Variants in C12orf56 observed in about 807,000 individuals in gnomAD.
C12orf56 encodes chromosome 12 open reading frame 56.
A neutral mutation model predicts 69.9 loss-of-function variants in C12orf56; 71 were observed. That is an observed-to-expected ratio of 1.02 (90% CI 0.84 to 1.24). C12orf56 has a LOEUF of 1.24. Among genes scored for constraint, C12orf56 ranks in the 50% most tolerant of loss-of-function variants. The pLI, the probability that C12orf56 is intolerant of heterozygous loss-of-function variation, is 0.00. For missense variants in C12orf56, 732 were observed against 738.5 expected, an observed-to-expected ratio of 0.99 and a Z score of 0.10; for synonymous variants, 276 against 274.1, an observed-to-expected ratio of 1.01 and a Z score of -0.07.
intron 2 of C12orf56, among the ~76,000 whole-genome samples, chr12:64,344,063 G>T: frequency 6.6e-6 from 1 of 152,282 alleles, no homozygotes; most frequent in Non-Finnish European, 1.5e-5. Context: ...GAGGACCACA[G>T]TGATGTCTTG....
intron 6 of C12orf56, among the ~76,000 whole-genome samples, chr12:64,286,301 A>C (rs1269425351): frequency 5.9e-5 from 9 of 152,204 alleles, no homozygotes; most frequent in Admixed American, 5.9e-4. Flanking sequence ...GATGCCAGTT[A>C]GGCCTGGCTT....
chr12:64,308,933 A>AAG (rs2038560790), intron 5 of C12orf56, among the ~76,000 whole-genome samples: 1 of 43,292 alleles, frequency 2.3e-5, no homozygotes, highest in East Asian at 7.1e-4. Context: ...AGAAAGAAAG[A>AAG]AAGAAAGAAG....
At chr12:64,390,278 C>A in intron 1 of C12orf56, 36 bp downstream of exon 1, 3 of 1,563,482 alleles carry the variant, frequency 1.9e-6, no homozygotes, top group Admixed American at 1.8e-5. Flanking sequence ...GTTCTCACTG[C>A]GCTCCCGAGC....
chr12:64,267,991 C>G (rs76583853), intron 12 of C12orf56, among the ~76,000 whole-genome samples: 3 of 152,118 alleles, frequency 2.0e-5, no homozygotes, highest in Non-Finnish European at 4.4e-5. Flanking sequence ...GGTTGAGCAT[C>G]CCTAATATGA....
At chr12:64,387,344 GT>G (rs1026349269) in intron 1 of C12orf56, among the ~76,000 whole-genome samples, 38 of 152,254 alleles carry the variant, frequency 2.5e-4, no homozygotes, top group Non-Finnish European at 2.5e-4. Context: ...TACCAACAAT[GT>G]TGAAAACTTA....
chr12:64,367,506 A>C (rs561735660), intron 1 of C12orf56, among the ~76,000 whole-genome samples: 2 of 150,722 alleles, frequency 1.3e-5, no homozygotes, highest in East Asian at 3.9e-4. Context: ...TTAAGGAGAG[A>C]TACTCTTTTT....
chr12:64,390,496 G>T lies in C12orf56; in HGVS notation c.70C>A (p.His24Asn). Residue 24 changes from histidine to asparagine, a missense_variant, in exon 1 of 13, where the codon CAT (histidine) becomes AAT (asparagine). His to Asn is a moderately conservative substitution (Grantham distance 68). Transcript: ENST00000543942. ...NSRLDVFLRR[H>N]LPPEVYDAVR... ...GCGTCGTAGACCTCGGGCGGCAGAT[G>T]CCGCCGCAGGAACACATCCAGGCGG... 6.2e-7 allele frequency: 1 copy of T among 1,601,692 alleles called. No homozygotes were observed.
At position 64,307,138 on chromosome 12, in the gene C12orf56, A is replaced by G. The variant is rs1047065613; in HGVS notation, c.969-3359T>C. Among the ~76,000 whole-genome samples the G allele has an allele frequency of 2.0e-5, 3 of 152,214 alleles. 1 individual carries two copies. The highest frequency in any genetic ancestry group is 4.4e-5 in the Non-Finnish European group (3 of 68,036). On this transcript the variant is annotated intron_variant, in intron 5 of 12. Coordinates refer to ENST00000543942, the MANE Select transcript of C12orf56 (RefSeq NM_001170633.2). ...ACAATTAGCTTTAAAATCACTTTAAATAAAATACCAAAATGAAAACTGATG... is the reference window on the plus strand; with the variant it reads ...ACAATTAGCTTTAAAATCACTTTAAGTAAAATACCAAAATGAAAACTGATG...
chr12:64,306,677 G>A (rs1047811586), intron 5 of C12orf56, among the ~76,000 whole-genome samples: 1 of 152,118 alleles, frequency 6.6e-6, no homozygotes, highest in Non-Finnish European at 1.5e-5. Context: ...CCGCAGGAAA[G>A]ATTCTTAATC....
At position 64,372,854 on chromosome 12, in the gene C12orf56, A is replaced by G. The variant is rs2039591879; in HGVS notation, c.252+17460T>C. Among the ~76,000 whole-genome samples the G allele has an allele frequency of 2.6e-5, 4 of 152,140 alleles. No homozygotes were observed. The South Asian group carries it at 8.3e-4, about 32-fold the overall frequency. On this transcript the variant is annotated intron_variant, in intron 1 of 12. Transcript: ENST00000543942. ...CCCTATTTGAGTTTAGATACATTGT[A>G]GAAACCTGATCAAGCACATGCTTTT...
At chr12:64,273,297 C>CAAAAAAAAAAAAAA (rs201066197) in intron 11 of C12orf56, among the ~76,000 whole-genome samples, 1 of 139,896 alleles carries the variant, frequency 7.1e-6, no homozygotes, top group African/African-American at 2.9e-5. Context: ...GACTCTGTCT[C>CAAAAAAAAAAAAAA]AAAAAAAAAA....
intron 5 of C12orf56, 109 bp downstream of exon 5, chr12:64,312,570 C>T: frequency 1.3e-6 from 1 of 796,694 alleles, no homozygotes; most frequent in Admixed American, 2.3e-5. Context: ...GACTGTGCCA[C>T]TGCACTCCAG....
Position 64,330,955 on chromosome 12 carries a change from C to T in C12orf56, c.488+5G>A, listed in dbSNP as rs905409968. On this transcript the variant is annotated splice_donor_5th_base_variant and intron_variant, in intron 3 of 12. Coordinates refer to ENST00000543942, the MANE Select transcript of C12orf56 (RefSeq NM_001170633.2). ...TTAAACACATACTCCAAACAACAAT[C>T]TCACCTGAGAGGAGATTCTTTCAGA... is the stretch of plus-strand genomic sequence containing the variant. The T allele has an allele frequency of 6.5e-7, 1 of 1,544,032 alleles. No individual in the cohort carries two copies. The highest frequency in any genetic ancestry group is 8.7e-7 in the Non-Finnish European group (1 of 1,143,140).
chr12:64,268,505 A>G (rs913737093), intron 12 of C12orf56, among the ~76,000 whole-genome samples: 9 of 152,298 alleles, frequency 5.9e-5, no homozygotes, highest in Non-Finnish European at 8.8e-5. Flanking sequence ...GAATAGGCAA[A>G]TCCATCACAA....
intron 2 of C12orf56, among the ~76,000 whole-genome samples, chr12:64,346,254 G>A (rs1040330270): frequency 2.0e-5 from 3 of 152,106 alleles, no homozygotes; most frequent in Non-Finnish European, 4.4e-5. Context: ...CCCGACGTTC[G>A]AGGGCAGGAA....
At chr12:64,273,608 C>G (rs73327129) in intron 11 of C12orf56, among the ~76,000 whole-genome samples, 3,282 of 152,270 alleles carry the variant, frequency 0.022, 111 homozygotes, top group African/African-American at 0.075. Flanking sequence ...TAACAAACCT[C>G]CCAAAATACC....
chr12:64,296,578 C>T (rs1415152015), intron 6 of C12orf56, among the ~76,000 whole-genome samples: 3 of 152,104 alleles, frequency 2.0e-5, no homozygotes, highest in Non-Finnish European at 4.4e-5. Flanking sequence ...GTAATTTGGA[C>T]TTATGAGTTG....
chr12:64,267,109 GT>G lies in C12orf56; in HGVS notation c.*73del. The G allele has an allele frequency of 8.9e-7, 1 of 1,128,080 alleles. No homozygotes were observed. 69.9% of individuals were successfully genotyped at this position (1,128,080 alleles called of 1,614,324 possible). A position where few individuals can be genotyped will look rare whatever the true frequency, so the allele number is the denominator to read the frequency against. On this transcript the variant is annotated 3_prime_UTR_variant, in exon 13 of 13. Transcript: ENST00000543942. ...CCAGATATTAAACAAATAAAAAAAT[GT>G]TTCTCGTGAATATCAAGTTGACTCT...
chr12:64,300,687 G>A (rs2038432186), intron 6 of C12orf56, among the ~76,000 whole-genome samples: 1 of 152,188 alleles, frequency 6.6e-6, no homozygotes, highest in Admixed American at 6.5e-5. Flanking sequence ...GGTGCCAAAT[G>A]TTTGTGCAGA....
Sources: gnomAD v4.1 joint callset for allele counts (sites outside exome capture counted in the v4.1 genomes callset) on GRCh38, gnomAD v4.1.1 for gene constraint, MANE v1.5 for transcripts, NCBI Gene and HGNC (gene_info 2026-07-23, HGNC 2026-07-21) for gene names.